Variants in EDN1 observed in about 807,000 individuals in gnomAD.
EDN1 encodes the protein endothelin-1.
A neutral mutation model predicts 21.7 loss-of-function variants in EDN1; 11 were observed. That is an observed-to-expected ratio of 0.51 (90% CI 0.32 to 0.84). EDN1 has a LOEUF of 0.84. EDN1 is among the 40% of genes least tolerant of loss of function. The pLI is 0.03. For synonymous variants in EDN1, 85 were observed against 90.6 expected, an observed-to-expected ratio of 0.94 and a Z score of 0.35; for missense variants, 244 against 262.3, an observed-to-expected ratio of 0.93 and a Z score of 0.48.
the EDN1 span, among the ~76,000 whole-genome samples, chr6:12,251,894 T>C: frequency 4.1e-4 from 63 of 152,336 alleles, 2 homozygotes; most frequent in East Asian, 0.012. Context: ...AAACCTTTTC[T>C]AGTAAAAGTA....
At position 12,296,355 on chromosome 6, in the gene EDN1, C is replaced by T. The variant is rs1762825813; in HGVS notation, c.*288C>T. The T allele has an allele frequency of 2.7e-5, 10 of 376,534 alleles. No homozygotes were observed. Among genetic ancestry groups the T allele is most frequent in the South Asian group, 2.5e-4 (10 of 40,024 alleles). The allele number at this position is 376,534 out of a possible 1,614,324, so 23.3% of individuals were successfully genotyped here. A position where few individuals can be genotyped will look rare whatever the true frequency, so the allele number is the denominator to read the frequency against. ...GTCACATTCGAATTCGGGTGGCATCCTCCGGAGAGAGAGAGAGGAAGGAGA... is the reference window on the plus strand; with the variant it reads ...GTCACATTCGAATTCGGGTGGCATCTTCCGGAGAGAGAGAGAGGAAGGAGA... On this transcript the variant is annotated 3_prime_UTR_variant, in exon 5 of 5. Transcript: ENST00000379375.
chr6:12,289,150 G>A (rs1240566165), upstream of EDN1, among the ~76,000 whole-genome samples: 1 of 152,162 alleles, frequency 6.6e-6, no homozygotes, highest in African/African-American at 2.4e-5. Flanking sequence ...GGGATTTCAA[G>A]GTTAGATAGA....
chr6:12,235,091 C>T, the EDN1 span, among the ~76,000 whole-genome samples: 8 of 152,128 alleles, frequency 5.3e-5, no homozygotes, highest in South Asian at 4.1e-4. Flanking sequence ...AGGGAGATCT[C>T]GCCCCTGGTC....
the EDN1 span, among the ~76,000 whole-genome samples, chr6:12,237,187 A>G: frequency 1.6e-3 from 241 of 152,194 alleles, 1 homozygote; most frequent in African/African-American, 5.5e-3. Context: ...ATAGTATTCC[A>G]TGGTGTATAT....
At chr6:12,258,688 T>C in the EDN1 span, among the ~76,000 whole-genome samples, 2 of 152,178 alleles carry the variant, frequency 1.3e-5, no homozygotes, top group African/African-American at 2.4e-5. Context: ...TCATCACCAT[T>C]GACCAAATCT....
the EDN1 span, among the ~76,000 whole-genome samples, chr6:12,275,238 C>G: frequency 8.5e-5 from 13 of 152,178 alleles, no homozygotes; most frequent in Non-Finnish European, 1.8e-4. Flanking sequence ...GGGCTCTTCC[C>G]TCATAGACAT....
At chr6:12,288,309 G>A (rs959153966), upstream of EDN1, among the ~76,000 whole-genome samples, 17 of 152,134 alleles carry the variant, frequency 1.1e-4, no homozygotes, top group Non-Finnish European at 1.5e-4. Flanking sequence ...CCGCGGGAGT[G>A]TTGGGGGGGA....
chr6:12,292,568 C>G, intron 2 of EDN1, 59 bp downstream of exon 2: 2 of 1,601,062 alleles, frequency 1.2e-6, no homozygotes. Context: ...TCCACTGGAG[C>G]CCAGTTTTAG....
At chr6:12,287,067 T>A (rs368805201), upstream of EDN1, among the ~76,000 whole-genome samples, 1 of 150,888 alleles carries the variant, frequency 6.6e-6, no homozygotes, top group East Asian at 2.0e-4. Context: ...CAGTGAGCTA[T>A]AACTGCACCA....
chr6:12,291,190 GC>G (rs1431497041), intron 1 of EDN1, among the ~76,000 whole-genome samples: 1 of 151,256 alleles, frequency 6.6e-6, no homozygotes, highest in Non-Finnish European at 1.5e-5. Flanking sequence ...CACCTGCAGA[GC>G]AAAAGTCTGT....
chr6:12,254,751 A>G, the EDN1 span, among the ~76,000 whole-genome samples: 7 of 152,180 alleles, frequency 4.6e-5, no homozygotes, highest in Non-Finnish European at 1.0e-4. Context: ...AATCTGTAGC[A>G]TTTTATATAT....
upstream of EDN1, among the ~76,000 whole-genome samples, chr6:12,288,787 G>A (rs887198346): frequency 1.4e-4 from 21 of 152,176 alleles, no homozygotes; most frequent in African/African-American, 4.8e-4. Context: ...GATTTTAGAA[G>A]GAGGAGGGAA....
At chr6:12,268,535 A>C in the EDN1 span, among the ~76,000 whole-genome samples, 1 of 152,136 alleles carries the variant, frequency 6.6e-6, no homozygotes, top group East Asian at 1.9e-4. Flanking sequence ...CTGTATGTGG[A>C]TATCCAGTTT....
At chr6:12,278,946 T>A in the EDN1 span, among the ~76,000 whole-genome samples, 5 of 152,144 alleles carry the variant, frequency 3.3e-5, no homozygotes, top group Non-Finnish European at 5.9e-5. Context: ...ACTTGAGTCC[T>A]TTATGAAGTT....
chr6:12,265,527 T>C, the EDN1 span, among the ~76,000 whole-genome samples: 1 of 152,176 alleles, frequency 6.6e-6, no homozygotes, highest in African/African-American at 2.4e-5. Flanking sequence ...CCTGTGAAGA[T>C]AGAGGGAGTT....
chr6:12,249,176 C>T, the EDN1 span, among the ~76,000 whole-genome samples: 1 of 152,176 alleles, frequency 6.6e-6, no homozygotes, highest in Non-Finnish European at 1.5e-5. Flanking sequence ...CATATCAATG[C>T]TGCTGGTCCA....
chr6:12,238,272 C>T, the EDN1 span, among the ~76,000 whole-genome samples: 3 of 151,544 alleles, frequency 2.0e-5, no homozygotes, highest in Non-Finnish European at 4.4e-5. Context: ...GGAGTTTGGG[C>T]TTGAGGGGAT....
chr6:12,292,728 C>T (rs149208216), intron 2 of EDN1, among the ~76,000 whole-genome samples: 1 of 152,250 alleles, frequency 6.6e-6, no homozygotes, highest in African/African-American at 2.4e-5. Flanking sequence ...GCTCAGGCTA[C>T]TCATGATGGG....
the EDN1 span, among the ~76,000 whole-genome samples, chr6:12,254,624 G>C: frequency 6.6e-6 from 1 of 152,056 alleles, no homozygotes; most frequent in African/African-American, 2.4e-5. Context: ...TTGGAAAAGA[G>C]AAAAATAAGC....
Sources: allele counts gnomAD v4.1 joint callset (sites outside exome capture counted in the v4.1 genomes callset), GRCh38; gene constraint gnomAD v4.1.1; transcripts MANE v1.5; gene names NCBI Gene and HGNC (gene_info 2026-07-23, HGNC 2026-07-21).